The following ITPK1 variants were observed in gnomAD, a reference collection of about 807,000 sequenced individuals.
The protein encoded by ITPK1 is inositol 1,3,4-trisphosphate 5/6-kinase.
ITPK1 carries 21 observed loss-of-function variants against 45.3 expected under a neutral mutation model. The observed-to-expected ratio is 0.46, with a 90% confidence interval of 0.33 to 0.67. The LOEUF (loss-of-function observed/expected upper bound fraction) is 0.67, where lower values mean the gene tolerates loss of function less well. ITPK1 is among the 30% of genes least tolerant of loss of function. The pLI is 0.02. For synonymous variants in ITPK1, 258 were observed against 253.6 expected, an observed-to-expected ratio of 1.02 and a Z score of -0.16; for missense variants, 474 against 573.5, an observed-to-expected ratio of 0.83 and a Z score of 1.77.
In ITPK1 at chr14:93,012,011, C is replaced by T. The variant is rs1250270287; in HGVS notation, c.246+4665G>A. Among the ~76,000 whole-genome samples the T allele has an allele frequency of 6.6e-6, 1 of 152,116 alleles. No homozygotes were observed. Among genetic ancestry groups the T allele is most frequent in the Non-Finnish European group, 1.5e-5 (1 of 68,026 alleles). On this transcript the variant is annotated intron_variant, in intron 4 of 10. Transcript: ENST00000267615. The surrounding 1 kb of genome is among the most constrained non-coding windows in gnomAD (Gnocchi z 4.9). ...ATCGCCGCACATGCCCATCAGGCAG[C>T]GCCATCTGCCTCATTAACGCTCCTG...
chr14:92,962,507 C>T, intron 6 of ITPK1, 112 bp from the exon 7 acceptor site: 1 of 811,908 alleles, frequency 1.2e-6, no homozygotes, highest in South Asian at 1.4e-5. Flanking sequence ...ACTCTGGACA[C>T]CTGGTATCTG....
chr14:92,945,183 T>C (rs978369442), intron 10 of ITPK1, among the ~76,000 whole-genome samples: 8 of 152,242 alleles, frequency 5.3e-5, no homozygotes, highest in African/African-American at 1.9e-4. Context: ...CTGGACCAGC[T>C]GGGACACACA....
chr14:92,983,132 G>A (rs750941141), intron 5 of ITPK1, among the ~76,000 whole-genome samples: 1 of 152,180 alleles, frequency 6.6e-6, no homozygotes, highest in African/African-American at 2.4e-5. Flanking sequence ...AGGAGAAGAG[G>A]AGCCAGACAC....
intron 5 of ITPK1, among the ~76,000 whole-genome samples, chr14:92,963,871 C>T (rs1337498772): frequency 2.0e-5 from 3 of 152,204 alleles, no homozygotes; most frequent in African/African-American, 4.8e-5. Flanking sequence ...CCACCCTGTA[C>T]TTCAGGGCAC....
chr14:93,101,343 G>C (rs1318882993), intron 2 of ITPK1, among the ~76,000 whole-genome samples: 1 of 152,200 alleles, frequency 6.6e-6, no homozygotes, highest in Non-Finnish European at 1.5e-5. Flanking sequence ...TGTACCTCTG[G>C]ACTCTGTGGA....
intron 9 of ITPK1, among the ~76,000 whole-genome samples, chr14:92,947,992 C>T (rs548092664): frequency 6.4e-4 from 98 of 152,286 alleles, no homozygotes; most frequent in African/African-American, 2.1e-3. Context: ...ATCCATACGA[C>T]GGAATATTGT....
chr14:92,954,540 C>T (rs956105809), intron 8 of ITPK1, among the ~76,000 whole-genome samples: 1 of 152,184 alleles, frequency 6.6e-6, no homozygotes, highest in East Asian at 1.9e-4. Flanking sequence ...CCAATAGCAC[C>T]AGTGGAGAAC....
intron 10 of ITPK1, 32 bp from the exon 11 acceptor site, chr14:92,941,936 G>A (rs199816288): frequency 2.1e-4 from 327 of 1,591,606 alleles, no homozygotes; most frequent in Middle Eastern, 1.4e-3. Context: ...CACAAGGGGC[G>A]TGAGCCAGGG....
chr14:93,092,787 C>A (rs979576031), intron 2 of ITPK1, among the ~76,000 whole-genome samples: 5 of 152,194 alleles, frequency 3.3e-5, no homozygotes, highest in Admixed American at 3.3e-4. Context: ...AGCCAGGGCA[C>A]CCTCTGCCCA....
chr14:93,052,025 G>A (rs1044108223), intron 3 of ITPK1, among the ~76,000 whole-genome samples: 1 of 152,186 alleles, frequency 6.6e-6, no homozygotes, highest in South Asian at 2.1e-4. Context: ...CCAGGGGAGC[G>A]CCTTCATCTC....
At position 92,936,928 on chromosome 14, in the gene ITPK1, T is replaced by G. The variant is rs565025272; in HGVS notation, c.*4633A>C. On this transcript the variant is annotated 3_prime_UTR_variant, in exon 11 of 11. Coordinates refer to ENST00000267615, the MANE Select transcript of ITPK1 (RefSeq NM_014216.6). ...GACACCCTCCGAACGGCTGGCGCTATTGTTTATTTCTTCATGTTTCCAAAA... is the reference window on the plus strand; with the variant it reads ...GACACCCTCCGAACGGCTGGCGCTAGTGTTTATTTCTTCATGTTTCCAAAA... 2.6e-5 allele frequency: 4 copies of G among 152,360 alleles called. No homozygotes were observed. The highest frequency in any genetic ancestry group is 4.4e-5 in the Non-Finnish European group (3 of 68,042). The allele number at this position is 152,360 out of a possible 1,614,324, so 9.4% of individuals were successfully genotyped here.
rs796559233 is a variant in ITPK1, at chr14:93,114,465, A to G, written c.95+604T>C. On this transcript the variant is annotated intron_variant, in intron 2 of 10. Transcript: ENST00000267615. ...CCTCTGCCGATCGGTCCCCGTTCTC[A>G]GACAGGTGGCCCAGAATCACCACCC... 4.6e-5 allele frequency among the ~76,000 whole-genome samples: 7 copies of G among 152,220 alleles called. No individual in the cohort carries two copies. The East Asian group carries it at 9.6e-4, about 21-fold the overall frequency.
intron 3 of ITPK1, among the ~76,000 whole-genome samples, chr14:93,038,089 G>A (rs778998214): frequency 6.1e-5 from 9 of 148,192 alleles, no homozygotes; most frequent in Non-Finnish European, 1.3e-4. Context: ...GCCTTGCTCT[G>A]TTGCCCAGGC....
At chr14:92,974,076 C>A (rs2139767780) in intron 5 of ITPK1, among the ~76,000 whole-genome samples, 1 of 152,308 alleles carries the variant, frequency 6.6e-6, no homozygotes, top group East Asian at 1.9e-4. Context: ...TGAGGAGCTG[C>A]CCTTGCCCTG....
intron 2 of ITPK1, among the ~76,000 whole-genome samples, chr14:93,107,868 G>A (rs1892587694): frequency 6.6e-6 from 1 of 152,204 alleles, no homozygotes; most frequent in Non-Finnish European, 1.5e-5. Flanking sequence ...GCTGCTTTCT[G>A]AGCAGGCTCA....
chr14:92,986,200 T>C (rs1433448557), intron 5 of ITPK1, among the ~76,000 whole-genome samples: 1 of 152,218 alleles, frequency 6.6e-6, no homozygotes, highest in Non-Finnish European at 1.5e-5. Context: ...AAGATCTCTT[T>C]CAGCTGGAAA....
rs1887256029 is a variant in ITPK1, at chr14:92,939,624, CCACCACGA to C, written c.*1929_*1936del. The C allele has an allele frequency of 5.2e-6, 5 of 966,242 alleles. No homozygotes were observed. The highest frequency in any genetic ancestry group is 6.2e-6 in the Non-Finnish European group (5 of 812,506). The allele number at this position is 966,242 out of a possible 1,614,324, so 59.9% of individuals were successfully genotyped here. ...GCCCCACCACGGAGGCCTATGGACGCCACCACGACACCACATGGCAGTTACTCGGTATC... is the reference window on the plus strand; with the variant it reads ...GCCCCACCACGGAGGCCTATGGACGCCACCACATGGCAGTTACTCGGTATC... On this transcript the variant is annotated 3_prime_UTR_variant, in exon 11 of 11. Coordinates refer to ENST00000267615, the MANE Select transcript of ITPK1 (RefSeq NM_014216.6).
intron 3 of ITPK1, chr14:93,069,797 C>G (rs1293942575): frequency 6.6e-6 from 1 of 152,244 alleles, no homozygotes; most frequent in African/African-American, 2.4e-5. Flanking sequence ...CCCACCCAAC[C>G]TCCTTCCCTG....
intron 3 of ITPK1, among the ~76,000 whole-genome samples, chr14:93,072,805 A>G (rs1226819932): frequency 6.6e-6 from 1 of 152,118 alleles, no homozygotes; most frequent in Admixed American, 6.5e-5. Context: ...CCCTCAGACG[A>G]GGTTTTGCCA....
Sources: allele counts gnomAD v4.1 joint callset (sites outside exome capture counted in the v4.1 genomes callset), GRCh38; gene constraint gnomAD v4.1.1; non-coding constraint Gnocchi (gnomAD v3.1); transcripts MANE v1.5; gene names NCBI Gene and HGNC (gene_info 2026-07-23, HGNC 2026-07-21).